The following NOL4 variants were observed in gnomAD, a reference collection of about 807,000 sequenced individuals.
NOL4 encodes cancer/testis antigen 125.
In NOL4, 17 loss-of-function variants were observed where a neutral mutation model predicts 75.9. The ratio of observed to expected loss-of-function variants is 0.22; its 90% CI spans 0.15 to 0.34. NOL4 has a LOEUF of 0.34. Among genes scored for constraint, NOL4 ranks in the 10% least tolerant of loss-of-function variants. The probability of loss-of-function intolerance (pLI) is 1.00; values close to 1 mark genes in which losing one functional copy is unlikely to be tolerated. For synonymous variants in NOL4, 292 were observed against 289.9 expected, an observed-to-expected ratio of 1.01 and a Z score of -0.07; for missense variants, 614 against 793.5, an observed-to-expected ratio of 0.77 and a Z score of 2.72.
At chr18:34,062,441 G>C (rs911571728) in intron 5 of NOL4, among the ~76,000 whole-genome samples, 2 of 151,984 alleles carry the variant, frequency 1.3e-5, no homozygotes, top group Non-Finnish European at 2.9e-5. Context: ...TCACCTAAGG[G>C]ACAAGGAGGG....
chr18:34,042,592 G>A (rs1284601432), intron 5 of NOL4, among the ~76,000 whole-genome samples: 3 of 152,152 alleles, frequency 2.0e-5, no homozygotes, highest in African/African-American at 7.2e-5. Flanking sequence ...AAAGAAATGT[G>A]ACCAGTAATT....
Position 33,973,727 on chromosome 18 carries a change from G to A in NOL4, c.1057-15309C>T, listed in dbSNP as rs143119565. Among the ~76,000 whole-genome samples the A allele has an allele frequency of 2.2e-3, 331 of 152,278 alleles. 3 individuals are homozygous for A. The highest frequency in any genetic ancestry group is 4.0e-3 in the Non-Finnish European group (272 of 68,022). ...TTGGGTGACCAAGCGCACTGTGCGG[G>A]AGCAGTAATATTTTGAAACGAATCT... On this transcript the variant is annotated intron_variant, in intron 6 of 10. Coordinates refer to ENST00000261592, the MANE Select transcript of NOL4 (RefSeq NM_003787.5).
At chr18:33,853,164 AT>A in intron 10 of NOL4, 129 bp from the exon 11 acceptor site, 1 of 740,894 alleles carries the variant, frequency 1.3e-6, no homozygotes, top group Admixed American at 3.1e-5. Flanking sequence ...GATCTCTTTA[AT>A]CAAATACATC....
At chr18:33,885,391 C>A (rs548981245) in intron 9 of NOL4, among the ~76,000 whole-genome samples, 2 of 152,206 alleles carry the variant, frequency 1.3e-5, no homozygotes, top group South Asian at 4.1e-4. Flanking sequence ...AGACAACCCA[C>A]AGAATGGGAG....
At chr18:34,185,317 A>G (rs765348844) in intron 1 of NOL4, among the ~76,000 whole-genome samples, 1 of 152,174 alleles carries the variant, frequency 6.6e-6, no homozygotes, top group Admixed American at 6.5e-5. Flanking sequence ...TAGGAATAGC[A>G]ATAGCCAAAG....
At position 34,179,695 on chromosome 18, in the gene NOL4, T is replaced by C. The variant is rs191484963; in HGVS notation, c.264+43295A>G. On this transcript the variant is annotated intron_variant, in intron 1 of 10. Coordinates refer to ENST00000261592, the MANE Select transcript of NOL4 (RefSeq NM_003787.5). ...ATACTTGTGTTCCCCAAAATTCATATATTGAAACCGAATCACCATTGTGAA... is the reference window on the plus strand; with the variant it reads ...ATACTTGTGTTCCCCAAAATTCATACATTGAAACCGAATCACCATTGTGAA... Among the ~76,000 whole-genome samples the C allele has an allele frequency of 1.4e-3, 208 of 151,758 alleles. No homozygotes were observed. In the Middle Eastern group the frequency reaches 0.02, roughly 15 times the overall value.
chr18:33,866,560 C>T (rs988368530), intron 10 of NOL4, among the ~76,000 whole-genome samples: 1 of 152,136 alleles, frequency 6.6e-6, no homozygotes, highest in Non-Finnish European at 1.5e-5. Flanking sequence ...GCTATGTAAA[C>T]TGACTGAGTT....
intron 5 of NOL4, among the ~76,000 whole-genome samples, chr18:34,062,864 T>C (rs1038394659): frequency 2.6e-5 from 4 of 152,096 alleles, no homozygotes; most frequent in Non-Finnish European, 4.4e-5. Flanking sequence ...ATATTTGAAG[T>C]AAATGAAAAT....
intron 1 of NOL4, among the ~76,000 whole-genome samples, chr18:34,211,133 AAGG>A: frequency 6.6e-6 from 1 of 151,986 alleles, no homozygotes; most frequent in South Asian, 2.1e-4. Flanking sequence ...GGAAGGAAGG[AAGG>A]AAGGAAAAGA....
intron 4 of NOL4, among the ~76,000 whole-genome samples, chr18:34,101,630 A>G (rs139064763): frequency 1.2e-3 from 184 of 152,252 alleles, no homozygotes; most frequent in African/African-American, 3.8e-3. Flanking sequence ...TTTCAATGTT[A>G]GCAGTTTTGT....
At chr18:33,879,632 G>A (rs2064138981) in intron 10 of NOL4, among the ~76,000 whole-genome samples, 1 of 151,942 alleles carries the variant, frequency 6.6e-6, no homozygotes, top group Non-Finnish European at 1.5e-5. Flanking sequence ...AGTGAGCCAA[G>A]GGCACACCAC....
At chr18:33,903,790 T>C (rs913619936) in intron 9 of NOL4, among the ~76,000 whole-genome samples, 1 of 152,140 alleles carries the variant, frequency 6.6e-6, no homozygotes, top group African/African-American at 2.4e-5. Flanking sequence ...ATACTTTATG[T>C]CTTGTTTCTC....
At chr18:34,168,364 T>A (rs1464714932) in intron 1 of NOL4, among the ~76,000 whole-genome samples, 1 of 151,452 alleles carries the variant, frequency 6.6e-6, no homozygotes, top group Non-Finnish European at 1.5e-5. Context: ...TATAAATAAA[T>A]TTTTTTTAGC....
intron 4 of NOL4, among the ~76,000 whole-genome samples, chr18:34,097,129 AT>A (rs2078823847): frequency 6.6e-6 from 1 of 152,038 alleles, no homozygotes; most frequent in South Asian, 2.1e-4. Context: ...TAATCTTCCC[AT>A]TTCTGAACAT....
At chr18:34,038,331 A>G (rs2076001161) in intron 5 of NOL4, among the ~76,000 whole-genome samples, 1 of 152,108 alleles carries the variant, frequency 6.6e-6, no homozygotes, top group Non-Finnish European at 1.5e-5. Context: ...AACAGCATAG[A>G]GATTTCTCAA....
chr18:33,903,969 A>G (rs1424451430), intron 9 of NOL4, among the ~76,000 whole-genome samples: 1 of 152,190 alleles, frequency 6.6e-6, no homozygotes, highest in Non-Finnish European at 1.5e-5. Context: ...AGCTAAAACT[A>G]GTTCAAACTC....
At chr18:34,198,580 GT>G (rs1320774669) in intron 1 of NOL4, among the ~76,000 whole-genome samples, 1 of 151,710 alleles carries the variant, frequency 6.6e-6, no homozygotes, top group African/African-American at 2.4e-5. Context: ...ATTGATGCCT[GT>G]TTTATAGCAT....
At chr18:34,149,840 T>C (rs1600729003) in intron 1 of NOL4, among the ~76,000 whole-genome samples, 1 of 151,712 alleles carries the variant, frequency 6.6e-6, no homozygotes, top group Non-Finnish European at 1.5e-5. Flanking sequence ...ATACCTAGAA[T>C]TGTCCCTGGT....
Position 34,190,699 on chromosome 18 carries a change from T to C in NOL4, c.264+32291A>G, listed in dbSNP as rs1004013661. ...AAACAGCAAATGAAATGTTAGGTTT[T>C]GATTATTTATAATTTAATTAATATT... On this transcript the variant is annotated intron_variant, in intron 1 of 10. Coordinates refer to ENST00000261592, the MANE Select transcript of NOL4 (RefSeq NM_003787.5). Among the ~76,000 whole-genome samples, 3 of 151,544 alleles carry C rather than the reference T, an allele frequency of 2.0e-5. No homozygotes were observed. The South Asian group carries it at 6.2e-4, about 31-fold the overall frequency.
Sources: allele counts gnomAD v4.1 joint callset (sites outside exome capture counted in the v4.1 genomes callset), GRCh38; gene constraint gnomAD v4.1.1; transcripts MANE v1.5; gene names NCBI Gene and HGNC (gene_info 2026-07-23, HGNC 2026-07-21).